TAFA5: variants seen among roughly 807,000 people sequenced by gnomAD.
TAFA5 encodes TAFA chemokine like family member 5, also known as chemokine-like protein TAFA-5.
Under a neutral mutation model 15.3 loss-of-function variants are expected in TAFA5, and 6 were observed. The ratio of observed to expected loss-of-function variants is 0.39; its 90% CI spans 0.21 to 0.77. The LOEUF is 0.77. Ranked by LOEUF, TAFA5 falls within the 30% of genes least tolerant of loss-of-function variation. The pLI is 0.41. For synonymous variants in TAFA5, 103 were observed against 80.7 expected (o/e 1.28, Z -1.48); for missense variants, 161 against 193.1 (o/e 0.83, Z 0.98).
rs117158893 is a variant in TAFA5 at position 48,703,891 on chromosome 22, C to T, written c.263-3826C>T. The stretch of plus-strand genomic sequence containing the variant: ...CCCTGTGCTGCAGAGAGTGCCAGAA[C>T]TGGCCCGGGCAGATGCAGAAACATC... On this transcript the variant is annotated intron_variant, in intron 2 of 3. Coordinates refer to ENST00000402357, the MANE Select transcript of TAFA5 (RefSeq NM_001082967.3). Among the ~76,000 whole-genome samples, 13 of 152,376 alleles carry T rather than the reference C, an allele frequency of 8.5e-5. No homozygotes were observed. In the East Asian group the frequency reaches 2.3e-3, roughly 27 times the overall value.
chr22:48,625,472 C>T lies in TAFA5; in HGVS notation c.113-21125C>T, dbSNP rs150550718. ...GTTCAGTTCAAGTATCCGCGTATAG[C>T]ACTATCGCAATCATGAGTCTGTCCT... On this transcript the variant is annotated intron_variant, in intron 1 of 3. Transcript: ENST00000402357. Among the ~76,000 whole-genome samples, 351 of 152,344 alleles carry T rather than the reference C, an allele frequency of 2.3e-3. 3 individuals carry two copies. The highest frequency in any genetic ancestry group is 8.1e-3 in the African/African-American group (336 of 41,586).
chr22:48,686,750 T>G (rs1242570293), intron 2 of TAFA5, among the ~76,000 whole-genome samples: 1 of 150,126 alleles, frequency 6.7e-6, no homozygotes, highest in Non-Finnish European at 1.5e-5. Flanking sequence ...GATTTTTGAA[T>G]GGATAGATGG....
intron 1 of TAFA5, among the ~76,000 whole-genome samples, chr22:48,644,341 A>AC (rs2147200637): frequency 6.6e-6 from 1 of 151,596 alleles, no homozygotes; most frequent in African/African-American, 2.4e-5. Flanking sequence ...AACTTATGCC[A>AC]CCCCCTCCCC....
chr22:48,595,650 C>A (rs891038740), intron 1 of TAFA5, among the ~76,000 whole-genome samples: 1 of 152,258 alleles, frequency 6.6e-6, no homozygotes, highest in Non-Finnish European at 1.5e-5. Context: ...GTGCAGCGGG[C>A]AACCTGCCCA....
intron 2 of TAFA5, among the ~76,000 whole-genome samples, chr22:48,649,439 G>C (rs1488321734): frequency 6.6e-6 from 1 of 152,188 alleles, no homozygotes; most frequent in African/African-American, 2.4e-5. Context: ...AGAGGCTTCT[G>C]GTGCATTTTG....
chr22:48,532,295 A>G (rs889502740), intron 1 of TAFA5, among the ~76,000 whole-genome samples: 1 of 152,140 alleles, frequency 6.6e-6, no homozygotes, highest in East Asian at 1.9e-4. Context: ...AATCTTCACC[A>G]TATTTGCCTT....
At chr22:48,597,794 T>C (rs1924823706) in intron 1 of TAFA5, among the ~76,000 whole-genome samples, 1 of 152,268 alleles carries the variant, frequency 6.6e-6, no homozygotes, top group Non-Finnish European at 1.5e-5. Flanking sequence ...AGGCACAGGC[T>C]GAGCTGCTGC....
At chr22:48,730,789 C>G (rs558900599) in intron 3 of TAFA5, among the ~76,000 whole-genome samples, 3 of 152,094 alleles carry the variant, frequency 2.0e-5, no homozygotes, top group African/African-American at 7.2e-5. Flanking sequence ...CTCCACTGAC[C>G]GGCCAGTCCC....
chr22:48,533,610 G>A (rs4823539), intron 1 of TAFA5, among the ~76,000 whole-genome samples: 54,166 of 152,010 alleles, frequency 0.36, 9,906 homozygotes, highest in Middle Eastern at 0.48. Context: ...TGAGGCCCTC[G>A]GGAGATGGCT....
chr22:48,685,382 G>A (rs6010588), intron 2 of TAFA5, among the ~76,000 whole-genome samples: 13,270 of 152,180 alleles, frequency 0.087, 1,926 homozygotes, highest in African/African-American at 0.3. Flanking sequence ...AAAAGGAGAT[G>A]CAAATTTTCC....
At chr22:48,551,227 G>T (rs1391278053) in intron 1 of TAFA5, among the ~76,000 whole-genome samples, 1 of 152,142 alleles carries the variant, frequency 6.6e-6, no homozygotes, top group Non-Finnish European at 1.5e-5. Context: ...ACCTGGACAA[G>T]GCTGGGCCTG....
chr22:48,502,251 G>A (rs145583094), intron 1 of TAFA5, among the ~76,000 whole-genome samples: 2 of 152,300 alleles, frequency 1.3e-5, no homozygotes, highest in East Asian at 1.9e-4. Context: ...TGTTGAGGCC[G>A]ATGGTCTGAG....
rs16999451 is a variant in TAFA5, at chr22:48,560,191, G to C, written c.112+70487G>C. ...CTCAGCAGGGGACCGTTTCTCTAAC[G>C]GGAGCCTGTCAGTTTCTGGGCGGGG... On this transcript the variant is annotated intron_variant, in intron 1 of 3. Coordinates refer to ENST00000402357, the MANE Select transcript of TAFA5 (RefSeq NM_001082967.3). This position sits in a 1 kb window ranked among gnomAD's most constrained non-coding sequence, Gnocchi z 4.2. Among the ~76,000 whole-genome samples, 2 of 152,192 alleles carry C rather than the reference G, an allele frequency of 1.3e-5. No homozygotes were observed. Among genetic ancestry groups the C allele is most frequent in the Admixed American group, 6.5e-5 (1 of 15,284 alleles).
At chr22:48,585,231 A>T (rs1054799077) in intron 1 of TAFA5, among the ~76,000 whole-genome samples, 7 of 151,432 alleles carry the variant, frequency 4.6e-5, no homozygotes, top group Admixed American at 3.3e-4. Context: ...ACCCACAAAC[A>T]TACCACATAC....
intron 3 of TAFA5, among the ~76,000 whole-genome samples, chr22:48,721,901 T>G (rs1449086582): frequency 2.0e-5 from 3 of 151,984 alleles, no homozygotes; most frequent in African/African-American, 4.8e-5. Context: ...CGCTTGAACC[T>G]AGGAGGCGGA....
intron 1 of TAFA5, among the ~76,000 whole-genome samples, chr22:48,528,860 G>C (rs1921866490): frequency 6.6e-6 from 1 of 152,168 alleles, no homozygotes; most frequent in South Asian, 2.1e-4. Flanking sequence ...GCTTTCCTTG[G>C]GGCCCAGAGG....
At chr22:48,689,131 C>T (rs928466469) in intron 2 of TAFA5, among the ~76,000 whole-genome samples, 2 of 152,174 alleles carry the variant, frequency 1.3e-5, no homozygotes, top group African/African-American at 2.4e-5. Context: ...AGGAGGACCC[C>T]GTACTCACAG....
intron 1 of TAFA5, among the ~76,000 whole-genome samples, chr22:48,580,337 G>A (rs1367608225): frequency 6.6e-6 from 1 of 152,228 alleles, no homozygotes; most frequent in African/African-American, 2.4e-5. Flanking sequence ...GTCTTTACAA[G>A]ATTAGCAGCC....
At chr22:48,586,404 A>T (rs780053395) in intron 1 of TAFA5, among the ~76,000 whole-genome samples, 1 of 152,216 alleles carries the variant, frequency 6.6e-6, no homozygotes, top group Non-Finnish European at 1.5e-5. Flanking sequence ...GCATGATACC[A>T]GGCTAGTGGC....
Sources: gnomAD v4.1 joint callset for allele counts (sites outside exome capture counted in the v4.1 genomes callset) on GRCh38, gnomAD v4.1.1 for gene constraint, Gnocchi (gnomAD v3.1) non-coding constraint, MANE v1.5 for transcripts, NCBI Gene and HGNC (gene_info 2026-07-23, HGNC 2026-07-21) for gene names.